NLGN1: variants seen among roughly 807,000 people sequenced by gnomAD.
NLGN1 encodes neuroligin-1.
A neutral mutation model predicts 65.5 loss-of-function variants in NLGN1; 12 were observed. The observed-to-expected ratio is 0.18, with a 90% CI of 0.12 to 0.30. NLGN1 has a LOEUF of 0.30. Ranked by LOEUF, NLGN1 falls within the 10% of genes least tolerant of loss-of-function variation. NLGN1 has a pLI of 1.00. For missense variants in NLGN1, 750 were observed against 1,007.1 expected, an observed-to-expected ratio of 0.74 and a Z score of 3.46; for synonymous variants, 350 against 359.5, an observed-to-expected ratio of 0.97 and a Z score of 0.30.
At chr3:174,090,508 A>G (rs1333448726) in intron 4 of NLGN1, among the ~76,000 whole-genome samples, 2 of 152,052 alleles carry the variant, frequency 1.3e-5, no homozygotes, top group Non-Finnish European at 2.9e-5. Context: ...TAAGACAGTA[A>G]TTGTTTATTG....
chr3:173,650,209 A>ATACTTCC (rs747231194), intron 3 of NLGN1, among the ~76,000 whole-genome samples: 3 of 152,092 alleles, frequency 2.0e-5, no homozygotes, highest in Non-Finnish European at 2.9e-5. Context: ...CTTCAGCTAC[A>ATACTTCC]TACTTCCTAC....
chr3:173,554,884 AG>A (rs1263787770), intron 2 of NLGN1, among the ~76,000 whole-genome samples: 1 of 152,146 alleles, frequency 6.6e-6, no homozygotes, highest in East Asian at 1.9e-4. Flanking sequence ...TATGTGTGAG[AG>A]CTCAAATTGC....
chr3:173,488,279 A>G (rs1412301735), intron 2 of NLGN1, among the ~76,000 whole-genome samples: 3 of 151,884 alleles, frequency 2.0e-5, no homozygotes, highest in Non-Finnish European at 2.9e-5. Context: ...TTTAGTTCCA[A>G]TTTGTGTTTA....
At chr3:173,750,830 T>C (rs879888641) in intron 3 of NLGN1, among the ~76,000 whole-genome samples, 6 of 152,178 alleles carry the variant, frequency 3.9e-5, no homozygotes, top group Admixed American at 6.6e-5. Context: ...TCTGTTATGA[T>C]GTGTGGAAGA....
At chr3:174,248,230 A>G (rs1431100027) in intron 4 of NLGN1, among the ~76,000 whole-genome samples, 5 of 152,188 alleles carry the variant, frequency 3.3e-5, no homozygotes, top group African/African-American at 4.8e-5. Flanking sequence ...ATAAATTTGT[A>G]CATATGGCAT....
Position 173,785,800 on chromosome 3 carries a change from C to T in NLGN1, c.494-21880C>T, listed in dbSNP as rs149829760. On this transcript the variant is annotated intron_variant, in intron 3 of 6. Transcript: ENST00000457714. ...GGGAGTAGACCGTACTGTTTCTTCC[C>T]GGCATTGTCTTCTCAAAGAGAAATT... 8.1e-4 allele frequency among the ~76,000 whole-genome samples: 124 copies of T among 152,172 alleles called. 1 individual carries two copies. Among genetic ancestry groups the T allele is most frequent in the African/African-American group, 2.8e-3 (115 of 41,538 alleles).
At chr3:173,775,403 C>A (rs889318058) in intron 3 of NLGN1, among the ~76,000 whole-genome samples, 14 of 151,998 alleles carry the variant, frequency 9.2e-5, no homozygotes, top group African/African-American at 3.1e-4. Context: ...TGGAGTTGAA[C>A]AGACCTGAAT....
chr3:174,000,380 T>C (rs1269796610), intron 4 of NLGN1, among the ~76,000 whole-genome samples: 1 of 152,164 alleles, frequency 6.6e-6, no homozygotes, highest in Non-Finnish European at 1.5e-5. Context: ...AATTAATTTA[T>C]ATATGTAACA....
At chr3:173,696,022 G>A (rs530842266) in intron 3 of NLGN1, among the ~76,000 whole-genome samples, 35 of 152,104 alleles carry the variant, frequency 2.3e-4, no homozygotes, top group African/African-American at 7.5e-4. Context: ...ATGTTTCCCC[G>A]GCTTGTCTTT....
intron 4 of NLGN1, among the ~76,000 whole-genome samples, chr3:173,960,627 A>C (rs1019125785): frequency 6.6e-6 from 1 of 152,036 alleles, no homozygotes; most frequent in African/African-American, 2.4e-5. Flanking sequence ...TAAAATTTTA[A>C]AACAGATATA....
At chr3:173,955,082 A>T (rs11920370) in intron 4 of NLGN1, among the ~76,000 whole-genome samples, 1,843 of 152,290 alleles carry the variant, frequency 0.012, 39 homozygotes, top group African/African-American at 0.041. Flanking sequence ...TTAACAAATG[A>T]GTGTGGCTGT....
intron 2 of NLGN1, among the ~76,000 whole-genome samples, chr3:173,572,630 C>T (rs896264964): frequency 6.6e-6 from 1 of 152,218 alleles, no homozygotes; most frequent in African/African-American, 2.4e-5. Context: ...CTTCTAGTTA[C>T]ACCTTTCTCT....
intron 4 of NLGN1, among the ~76,000 whole-genome samples, chr3:173,909,286 A>C (rs901790032): frequency 2.0e-5 from 3 of 152,136 alleles, no homozygotes; most frequent in South Asian, 2.1e-4. Context: ...CTGAACTTCA[A>C]TTTAACCCTG....
At chr3:174,057,816 CTA>C (rs1404047313) in intron 4 of NLGN1, 1 of 151,998 alleles carries the variant, frequency 6.6e-6, no homozygotes, top group African/African-American at 2.4e-5. Flanking sequence ...TTGTTGAATT[CTA>C]TGTGTATAAT....
chr3:174,102,282 A>AT (rs1383263765), intron 4 of NLGN1, among the ~76,000 whole-genome samples: 18 of 151,848 alleles, frequency 1.2e-4, no homozygotes, highest in Non-Finnish European at 2.4e-4. Context: ...TAAGATGTTC[A>AT]TTTTTTTTCC....
At chr3:173,945,024 C>T (rs987018586) in intron 4 of NLGN1, among the ~76,000 whole-genome samples, 1 of 151,878 alleles carries the variant, frequency 6.6e-6, no homozygotes, top group East Asian at 1.9e-4. Context: ...ACCTTTAAGC[C>T]CCCTTTACCT....
intron 2 of NLGN1, among the ~76,000 whole-genome samples, chr3:173,564,175 T>C (rs1039969152): frequency 1.3e-5 from 2 of 152,232 alleles, no homozygotes; most frequent in Non-Finnish European, 2.9e-5. Context: ...CTGAAATGTT[T>C]TTCTACTCAA....
At position 173,407,134 on chromosome 3, in the gene NLGN1, TTAAA is replaced by T. The variant is rs750417004; in HGVS notation, c.-390+8650_-390+8653del. 7.2e-5 allele frequency among the ~76,000 whole-genome samples: 11 copies of T among 152,342 alleles called. 1 individual carries two copies. Among genetic ancestry groups the T allele is most frequent in the Middle Eastern group, 3.4e-3 (1 of 294 alleles). ...TTTAATGGCTTAGAGTCTCAGATCA[TTAAA>T]TAGAGTTCAGAGATTATATTCATAT... On this transcript the variant is annotated intron_variant, in intron 1 of 6. Transcript: ENST00000457714.
chr3:174,008,137 T>C lies in NLGN1; in HGVS notation c.646+200305T>C, dbSNP rs537096296. 6.6e-5 allele frequency among the ~76,000 whole-genome samples: 10 copies of C among 152,238 alleles called. No homozygotes were observed. The South Asian group carries it at 1.9e-3, about 28-fold the overall frequency. On this transcript the variant is annotated intron_variant, in intron 4 of 6. Transcript: ENST00000457714. Reference sequence around the variant, plus strand: ...AATCTATATTCTTGCAACAGCAAAGTTTGTGGTTTAGCTGTGCCTCTGTTC... The same window carrying C: ...AATCTATATTCTTGCAACAGCAAAGCTTGTGGTTTAGCTGTGCCTCTGTTC...
Sources: gnomAD v4.1 joint callset for allele counts (sites outside exome capture counted in the v4.1 genomes callset) on GRCh38, gnomAD v4.1.1 for gene constraint, MANE v1.5 for transcripts, NCBI Gene and HGNC (gene_info 2026-07-23, HGNC 2026-07-21) for gene names.